The following PTPRM variants were observed in gnomAD, a reference collection of about 807,000 sequenced individuals.
PTPRM encodes receptor-type tyrosine-protein phosphatase mu.
A neutral mutation model predicts 186.7 loss-of-function variants in PTPRM; 47 were observed. The ratio of observed to expected loss-of-function variants is 0.25; its 90% CI spans 0.20 to 0.32. The LOEUF (loss-of-function observed/expected upper bound fraction) is 0.32, where lower values mean the gene tolerates loss of function less well. PTPRM is among the 10% of genes least tolerant of loss of function. The probability of loss-of-function intolerance (pLI) is 1.00; values close to 1 mark genes in which losing one functional copy is unlikely to be tolerated. For synonymous variants in PTPRM, 668 were observed against 674.9 expected, an observed-to-expected ratio of 0.99 and a Z score of 0.16; for missense variants, 1,494 against 1,865.0, an observed-to-expected ratio of 0.80 and a Z score of 3.66.
At chr18:7,966,528 A>C (rs1483696205) in intron 7 of PTPRM, among the ~76,000 whole-genome samples, 1 of 151,160 alleles carries the variant, frequency 6.6e-6, no homozygotes, top group Non-Finnish European at 1.5e-5. Context: ...TGATTTCTGC[A>C]TTTCCATCTG....
rs577858036 is a variant in PTPRM, at chr18:8,265,649, C to T, written c.2754+12235C>T. Among the ~76,000 whole-genome samples the T allele has an allele frequency of 7.3e-4, 111 of 152,214 alleles. 1 individual carries two copies. The highest frequency in any genetic ancestry group is 2.6e-3 in the African/African-American group (108 of 41,518). ...TTTGATTAAATGATACAAAAAATAA[C>T]CAGTTGAAAAGTCAATTTTTTTTCA... is the stretch of plus-strand genomic sequence containing the variant. On this transcript the variant is annotated intron_variant, in intron 19 of 32. Transcript: ENST00000580170.
intron 19 of PTPRM, among the ~76,000 whole-genome samples, chr18:8,294,543 A>G (rs1427429319): frequency 2.0e-5 from 3 of 152,146 alleles, no homozygotes; most frequent in Non-Finnish European, 2.9e-5. Flanking sequence ...TCCCTCCCAC[A>G]ACACATGGGG....
At chr18:8,086,260 C>T (rs1354767193) in intron 10 of PTPRM, among the ~76,000 whole-genome samples, 1 of 152,118 alleles carries the variant, frequency 6.6e-6, no homozygotes, top group Non-Finnish European at 1.5e-5. Flanking sequence ...AGTCTGCTTC[C>T]TGAAGGATCA....
chr18:7,731,405 TGCAAGTA>T (rs2040656252), intron 1 of PTPRM, among the ~76,000 whole-genome samples: 1 of 152,216 alleles, frequency 6.6e-6, no homozygotes, highest in African/African-American at 2.4e-5. Context: ...TGGTTGGTAT[TGCAAGTA>T]TTAATTTGGA....
intron 1 of PTPRM, among the ~76,000 whole-genome samples, chr18:7,747,149 T>C (rs917249488): frequency 7.9e-5 from 12 of 152,236 alleles, no homozygotes; most frequent in Non-Finnish European, 1.8e-4. Context: ...ATAGGATCTT[T>C]TTAAGTTTCA....
chr18:7,716,949 C>T (rs1363487710), intron 1 of PTPRM, among the ~76,000 whole-genome samples: 2 of 152,112 alleles, frequency 1.3e-5, no homozygotes. Flanking sequence ...ACCATTTGAC[C>T]CAGCAATCCC....
intron 7 of PTPRM, among the ~76,000 whole-genome samples, chr18:7,989,565 C>T (rs2147604709): frequency 6.6e-6 from 1 of 152,246 alleles, no homozygotes; most frequent in South Asian, 2.1e-4. Flanking sequence ...GATTCCTGTC[C>T]ACCCACTATG....
At chr18:8,252,691 T>A (rs563728083) in intron 18 of PTPRM, among the ~76,000 whole-genome samples, 192 bp downstream of exon 18, 1 of 152,348 alleles carries the variant, frequency 6.6e-6, no homozygotes, top group African/African-American at 2.4e-5. Context: ...GCATGCAAAG[T>A]GATTCATCAA....
At chr18:8,028,657 T>C (rs1252086011) in intron 7 of PTPRM, among the ~76,000 whole-genome samples, 2 of 152,202 alleles carry the variant, frequency 1.3e-5, no homozygotes, top group Non-Finnish European at 2.9e-5. Flanking sequence ...TATTCATTAT[T>C]TAAGCTAATA....
chr18:7,809,952 G>T (rs1049174832), intron 2 of PTPRM, among the ~76,000 whole-genome samples: 38 of 152,294 alleles, frequency 2.5e-4, no homozygotes, highest in African/African-American at 9.1e-4. Flanking sequence ...GGGAATATCT[G>T]CAATATTACA....
chr18:7,661,200 G>T (rs1193312374), intron 1 of PTPRM, among the ~76,000 whole-genome samples: 1 of 152,062 alleles, frequency 6.6e-6, no homozygotes. Flanking sequence ...TGATCTTTAG[G>T]ATCTTTATTG....
intron 7 of PTPRM, among the ~76,000 whole-genome samples, chr18:8,033,354 T>C (rs975660600): frequency 1.3e-5 from 2 of 152,188 alleles, no homozygotes; most frequent in South Asian, 2.1e-4. Flanking sequence ...CTATACACTA[T>C]ATGTATAGAC....
At chr18:8,273,429 G>A (rs1005533394) in intron 19 of PTPRM, among the ~76,000 whole-genome samples, 5 of 152,040 alleles carry the variant, frequency 3.3e-5, no homozygotes, top group Non-Finnish European at 7.4e-5. Flanking sequence ...CTGAAAGATG[G>A]GATTATATGT....
chr18:8,354,545 G>A (rs2095553523), intron 23 of PTPRM, among the ~76,000 whole-genome samples: 1 of 152,210 alleles, frequency 6.6e-6, no homozygotes, highest in South Asian at 2.1e-4. Flanking sequence ...CAGGCATCCT[G>A]CTAAATGTTT....
At chr18:8,377,972 C>A in intron 26 of PTPRM, 1 of 259,530 alleles carries the variant, frequency 3.9e-6, no homozygotes, top group East Asian at 7.2e-5. Context: ...GCTCATTCCT[C>A]ATGTGAAATA....
rs144673804 is a variant in PTPRM at position 8,202,791 on chromosome 18, C to T, written c.2301-41267C>T. Among the ~76,000 whole-genome samples the T allele has an allele frequency of 1.8e-3, 281 of 152,244 alleles. 2 individuals carry two copies. Among genetic ancestry groups the T allele is most frequent in the African/African-American group, 6.5e-3 (270 of 41,550 alleles). On this transcript the variant is annotated intron_variant, in intron 14 of 32. Coordinates refer to ENST00000580170, the MANE Select transcript of PTPRM (RefSeq NM_001105244.2). ...GTCTCGATTGTCCTGTTCTCTCTCA[C>T]CTCCTAGGCAATTACCTTATCTTAA...
chr18:7,701,302 C>CA lies in PTPRM; in HGVS notation c.74-72831dup, dbSNP rs749852978. ...TGGGAGACAGAGCCAGACCGTATCT[C>CA]AAAAAAAAAAAAAAAAGGCTGGATG... On this transcript the variant is annotated intron_variant, in intron 1 of 32. Transcript: ENST00000580170. 8.5e-3 allele frequency among the ~76,000 whole-genome samples: 740 copies of CA among 87,202 alleles called. 1 individual carries two copies. Among genetic ancestry groups the CA allele is most frequent in the African/African-American group, 1.0e-2 (224 of 22,418 alleles). 57.2% of individuals were successfully genotyped at this position (87,202 alleles called of 152,430 possible). A position where few individuals can be genotyped will look rare whatever the true frequency, so the allele number is the denominator to read the frequency against.
chr18:7,966,003 A>G (rs2054019029), intron 7 of PTPRM, among the ~76,000 whole-genome samples: 3 of 152,346 alleles, frequency 2.0e-5, no homozygotes, highest in African/African-American at 4.8e-5. Flanking sequence ...TTGTATAGTC[A>G]TAACAACAGA....
chr18:8,224,854 C>G (rs1381423454), intron 14 of PTPRM, among the ~76,000 whole-genome samples: 1 of 152,182 alleles, frequency 6.6e-6, no homozygotes, highest in Non-Finnish European at 1.5e-5. Flanking sequence ...GGGGCTAGCA[C>G]TAGAGGATTA....
Sources: gnomAD v4.1 joint callset for allele counts (sites outside exome capture counted in the v4.1 genomes callset) on GRCh38, gnomAD v4.1.1 for gene constraint, MANE v1.5 for transcripts, NCBI Gene and HGNC (gene_info 2026-07-23, HGNC 2026-07-21) for gene names.